Variants in EML6 observed in about 807,000 individuals in gnomAD.
The protein encoded by EML6 is echinoderm microtubule-associated protein-like 6.
Under a neutral mutation model 240.1 loss-of-function variants are expected in EML6, and 154 were observed. The observed-to-expected ratio is 0.64, with a 90% CI of 0.56 to 0.73. EML6 has a LOEUF of 0.73. Ranked by LOEUF, EML6 falls within the 30% of genes least tolerant of loss-of-function variation. The pLI, the probability that EML6 is intolerant of heterozygous loss-of-function variation, is 0.00. For synonymous variants in EML6, 1,148 were observed against 899.0 expected (o/e 1.28, Z -4.95); for missense variants, 2,964 against 2,474.6 (o/e 1.20, Z -4.20).
chr2:54,939,270 C>T (rs1358592613), intron 28 of EML6, among the ~76,000 whole-genome samples: 1 of 152,242 alleles, frequency 6.6e-6, no homozygotes, highest in African/African-American at 2.4e-5. Context: ...CATCTGGCTT[C>T]TGCCTTTAGG....
At chr2:54,804,115 T>G (rs1390947999) in intron 2 of EML6, among the ~76,000 whole-genome samples, 12 of 152,182 alleles carry the variant, frequency 7.9e-5, no homozygotes, top group Admixed American at 7.2e-4. Context: ...ACAAGAAAGG[T>G]AGAATGCTCC....
At chr2:54,892,861 A>G (rs1055829941) in intron 19 of EML6, among the ~76,000 whole-genome samples, 1 of 152,172 alleles carries the variant, frequency 6.6e-6, no homozygotes, top group Non-Finnish European at 1.5e-5. Context: ...TTTATATGCA[A>G]CTTCTCTGCA....
At chr2:54,827,445 C>A in intron 5 of EML6, 121 bp from the exon 6 acceptor site, 1 of 778,784 alleles carries the variant, frequency 1.3e-6, no homozygotes, top group Non-Finnish European at 2.0e-6. Flanking sequence ...AGCAAATTAA[C>A]TTATTTGTGC....
chr2:54,878,546 T>C (rs1195314550), intron 16 of EML6, among the ~76,000 whole-genome samples: 2 of 152,228 alleles, frequency 1.3e-5, no homozygotes, highest in African/African-American at 2.4e-5. Context: ...AGTGTTTTTA[T>C]TTGAAATTTA....
intron 24 of EML6, among the ~76,000 whole-genome samples, chr2:54,904,972 C>T (rs569777902): frequency 6.6e-6 from 1 of 152,268 alleles, no homozygotes; most frequent in South Asian, 2.1e-4. Context: ...TTACAACATT[C>T]AGGAGTTTTA....
chr2:54,963,636 C>T (rs535602510), intron 36 of EML6, among the ~76,000 whole-genome samples: 155 of 152,332 alleles, frequency 1.0e-3, no homozygotes, highest in Non-Finnish European at 1.7e-3. Context: ...TTCTACAAGT[C>T]CAGCTGCCCT....
intron 26 of EML6, among the ~76,000 whole-genome samples, chr2:54,925,820 C>T (rs1317479898): frequency 6.6e-6 from 1 of 152,138 alleles, no homozygotes; most frequent in African/African-American, 2.4e-5. Context: ...CTTCCCATAG[C>T]CTCCCTTCCC....
At chr2:54,769,746 C>T (rs1198515085) in intron 2 of EML6, among the ~76,000 whole-genome samples, 2 of 152,260 alleles carry the variant, frequency 1.3e-5, no homozygotes, top group East Asian at 3.9e-4. Context: ...TAGAACATTT[C>T]ACATAAGATC....
In EML6 at chr2:54,847,471, C is replaced by G. The variant is rs770720535; in HGVS notation, c.1050-15C>G. The G allele has an allele frequency of 1.1e-5, 17 of 1,548,976 alleles. No homozygotes were observed. The highest frequency in any genetic ancestry group is 1.5e-5 in the Non-Finnish European group (17 of 1,146,038). On this transcript the variant is annotated splice_polypyrimidine_tract_variant and intron_variant, in intron 8 of 41. Coordinates refer to ENST00000356458, the MANE Select transcript of EML6 (RefSeq NM_001039753.4). ...AGTTGGTTTTGTTTTGTTTTGACTT[C>G]GTTCTTGTGCCTAGGCTGTGGAGCC...
intron 2 of EML6, among the ~76,000 whole-genome samples, chr2:54,747,664 G>A (rs1488801244): frequency 1.3e-5 from 2 of 152,104 alleles, no homozygotes; most frequent in African/African-American, 4.8e-5. Flanking sequence ...AGGGAAATTG[G>A]AACTTTAAGT....
At chr2:54,802,936 G>T (rs73935223) in intron 2 of EML6, among the ~76,000 whole-genome samples, 14 of 152,080 alleles carry the variant, frequency 9.2e-5, no homozygotes, top group Non-Finnish European at 2.1e-4. Context: ...TCCAAACTGC[G>T]CAGAATTGAG....
intron 2 of EML6, among the ~76,000 whole-genome samples, chr2:54,792,288 C>T (rs1340585175): frequency 1.3e-5 from 2 of 152,132 alleles, no homozygotes; most frequent in African/African-American, 4.8e-5. Context: ...ATTAATGCCC[C>T]CTGGGCTTCC....
intron 33 of EML6, 117 bp from the exon 34 acceptor site, chr2:54,958,987 T>G (rs1676366495): frequency 1.0e-6 from 1 of 972,282 alleles, no homozygotes; most frequent in South Asian, 1.8e-5. Flanking sequence ...CACAAAGAGA[T>G]CAAACTGCCT....
chr2:54,909,628 C>G (rs1212676508), intron 24 of EML6, among the ~76,000 whole-genome samples: 3 of 152,094 alleles, frequency 2.0e-5, no homozygotes, highest in South Asian at 2.1e-4. Flanking sequence ...GGCAGATCAC[C>G]TGAGGTCAGG....
At chr2:54,752,938 G>C (rs1459971605) in intron 2 of EML6, among the ~76,000 whole-genome samples, 1 of 152,120 alleles carries the variant, frequency 6.6e-6, no homozygotes, top group East Asian at 1.9e-4. Context: ...ACAGGCATCC[G>C]CCACCACACC....
rs532564505 is a variant in EML6 at position 54,845,024 on chromosome 2, G to A, written c.1049+776G>A. 8.5e-5 allele frequency among the ~76,000 whole-genome samples: 13 copies of A among 152,304 alleles called. No individual in the cohort carries two copies. In the South Asian group the frequency reaches 1.9e-3, roughly 22 times the overall value. On this transcript the variant is annotated intron_variant, in intron 8 of 41. Coordinates refer to ENST00000356458, the MANE Select transcript of EML6 (RefSeq NM_001039753.4). The stretch of plus-strand genomic sequence containing the variant: ...TGTGAGAGGAACAGACTGATCAATC[G>A]ATTGAATGGCTACTGCCTCTGGGTT...
chr2:54,896,771 C>T (rs1672793789), intron 21 of EML6, among the ~76,000 whole-genome samples: 1 of 152,150 alleles, frequency 6.6e-6, no homozygotes, highest in South Asian at 2.1e-4. Context: ...CTCTGACTTA[C>T]TGTATCATGG....
chr2:54,821,190 A>G (rs1039007464), intron 5 of EML6, among the ~76,000 whole-genome samples: 1 of 152,186 alleles, frequency 6.6e-6, no homozygotes, highest in African/African-American at 2.4e-5. Flanking sequence ...CTGTACAAAA[A>G]TGGTACATTT....
At chr2:54,813,113 C>G in intron 2 of EML6, 119 bp from the exon 3 acceptor site, 2 of 720,988 alleles carry the variant, frequency 2.8e-6, no homozygotes, top group African/African-American at 1.8e-5. Context: ...GGGGACAGTT[C>G]AGACTCTTTC....
Sources: gnomAD v4.1 joint callset for allele counts (sites outside exome capture counted in the v4.1 genomes callset) on GRCh38, gnomAD v4.1.1 for gene constraint, MANE v1.5 for transcripts, NCBI Gene and HGNC (gene_info 2026-07-23, HGNC 2026-07-21) for gene names.